The following DGAT2 variants were observed in gnomAD, a reference collection of about 807,000 sequenced individuals.
DGAT2 encodes the protein acyl-CoA retinol O-fatty-acyltransferase.
Under a neutral mutation model 48.4 loss-of-function variants are expected in DGAT2, and 33 were observed. That is an observed-to-expected ratio of 0.68 (90% CI 0.52 to 0.91). The LOEUF (loss-of-function observed/expected upper bound fraction) is 0.91, where lower values mean the gene tolerates loss of function less well. Among genes scored for constraint, DGAT2 ranks in the 40% least tolerant of loss-of-function variants. The pLI, the probability that DGAT2 is intolerant of heterozygous loss-of-function variation, is 0.00. For synonymous variants in DGAT2, 191 were observed against 194.1 expected (o/e 0.98, Z 0.13); for missense variants, 446 against 493.7 (o/e 0.90, Z 0.92).
chr11:75,771,778 C>T lies in DGAT2; in HGVS notation c.121+2666C>T, dbSNP rs535309491. 4.6e-5 allele frequency among the ~76,000 whole-genome samples: 7 copies of T among 152,218 alleles called. No homozygotes were observed. The East Asian group carries it at 7.7e-4, about 17-fold the overall frequency. Reference sequence around the variant, plus strand: ...CTGAATAGAGGCCACTTTGGGGCTGCGTCACCAAGGGCTCATCTAGGCTGA... The same window carrying T: ...CTGAATAGAGGCCACTTTGGGGCTGTGTCACCAAGGGCTCATCTAGGCTGA... On this transcript the variant is annotated intron_variant, in intron 1 of 7. Coordinates refer to ENST00000228027, the MANE Select transcript of DGAT2 (RefSeq NM_032564.5).
At chr11:75,787,664 C>T (rs1176893594) in intron 2 of DGAT2, among the ~76,000 whole-genome samples, 3 of 152,144 alleles carry the variant, frequency 2.0e-5, no homozygotes, top group African/African-American at 7.2e-5. Context: ...GTTCAGAGGA[C>T]AAGGATTAGG....
At chr11:75,796,053 A>G (rs2135779628) in intron 4 of DGAT2, 1 of 432,456 alleles carries the variant, frequency 2.3e-6, no homozygotes, top group Non-Finnish European at 4.3e-6. Context: ...CAGAGTGCAA[A>G]GAAGAGCTGC....
chr11:75,797,332 G>T lies in DGAT2; in HGVS notation c.809G>T (p.Gly270Val). ...TTTGTGAAACTGGCCCTGCGTCATG[G>T]GTGAGTGCCTCCCTACACACACACA... ...KGFVKLALRH[G>V]ADLVPIYSFG... is the part of the protein sequence containing the mutation. Residue 270 changes from glycine (G) to valine (V), a missense_variant and splice_region_variant, in exon 6 of 8, where the codon GGA becomes GTA. Coordinates refer to ENST00000228027, the MANE Select transcript of DGAT2 (RefSeq NM_032564.5). The T allele has an allele frequency of 6.7e-7, 1 of 1,484,474 alleles. No homozygotes were observed. The allele number at this position is 1,484,474 out of a possible 1,614,324, so 92.0% of individuals were successfully genotyped here. A position where few individuals can be genotyped will look rare whatever the true frequency, so the allele number is the denominator to read the frequency against.
Position 75,797,439 on chromosome 11 carries a change from AG to A in DGAT2, c.809+110del, listed in dbSNP as rs1945069622. On this transcript the variant is annotated intron_variant, in intron 6 of 7. Transcript: ENST00000228027. Reference sequence around the variant, plus strand: ...GACCCAGACCCCAGGAAGGCATGGAAGGGAGTCAGTCATTCTGTTAGGGAGG... The same window carrying A: ...GACCCAGACCCCAGGAAGGCATGGAAGGAGTCAGTCATTCTGTTAGGGAGG... 32 of 1,249,494 alleles carry A rather than the reference AG, an allele frequency of 2.6e-5. No homozygotes were observed. The South Asian group carries it at 6.9e-4, about 27-fold the overall frequency. 77.4% of individuals were successfully genotyped at this position (1,249,494 alleles called of 1,614,324 possible). A position where few individuals can be genotyped will look rare whatever the true frequency, so the allele number is the denominator to read the frequency against.
intron 2 of DGAT2, among the ~76,000 whole-genome samples, chr11:75,788,745 T>C (rs1320345493): frequency 1.3e-5 from 2 of 152,166 alleles, no homozygotes. Flanking sequence ...CCTCCCTTCT[T>C]GGGCAGTGGA....
intron 4 of DGAT2, chr11:75,793,973 C>T (rs1444413473): frequency 6.6e-6 from 1 of 152,252 alleles, no homozygotes; most frequent in Non-Finnish European, 1.5e-5. Flanking sequence ...CCGAGCCCCA[C>T]TAGCTATGGA....
chr11:75,790,344 TC>T, intron 3 of DGAT2, 49 bp downstream of exon 3: 14 of 1,469,006 alleles, frequency 9.5e-6, no homozygotes, highest in Non-Finnish European at 1.2e-5. Context: ...GGGATGCTCT[TC>T]CCCCTGCACA....
rs773641826 is a variant in DGAT2, at chr11:75,784,639, C to T, written c.143C>T (p.Ser48Phe). The stretch of plus-strand genomic sequence containing the variant: ...GTAGGCACTGGATCCAGCATCCTCT[C>T]CGCCCTCCAGGACCTCTTCTCTGTC... ...GRWGTGSSIL[S>F]ALQDLFSVTW... The change falls in exon 2 of 8, where the codon TCC (serine) becomes TTC (phenylalanine). Residue 48 changes from serine to phenylalanine, a missense_variant. Coordinates refer to ENST00000228027, the MANE Select transcript of DGAT2 (RefSeq NM_032564.5). 6 of 1,613,982 alleles carry T rather than the reference C, an allele frequency of 3.7e-6. No homozygotes were observed. The African/African-American group carries it at 8.0e-5, about 22-fold the overall frequency.
intron 4 of DGAT2, among the ~76,000 whole-genome samples, chr11:75,791,091 A>G (rs1020585325): frequency 6.6e-6 from 1 of 152,250 alleles, no homozygotes; most frequent in Admixed American, 6.5e-5. Flanking sequence ...TTTTCCCCAC[A>G]GGGGAAAGAC....
At position 75,790,414 on chromosome 11, in the gene DGAT2, T is replaced by C. The variant is rs191207734; in HGVS notation, c.358+119T>C. 5.2e-5 allele frequency: 48 copies of C among 931,212 alleles called. No homozygotes were observed. In the East Asian group the frequency reaches 1.2e-3, roughly 22 times the overall value. 57.7% of individuals were successfully genotyped at this position (931,212 alleles called of 1,614,324 possible). ...TTAACACCCACTTTGTGAAAAGCAC[T>C]GGACTAGTCCTTTTGGGGGGAGGTT... On this transcript the variant is annotated intron_variant, in intron 3 of 7. Coordinates refer to ENST00000228027, the MANE Select transcript of DGAT2 (RefSeq NM_032564.5).
intron 1 of DGAT2, 136 bp downstream of exon 1, chr11:75,769,248 C>A: frequency 9.0e-7 from 1 of 1,115,916 alleles, no homozygotes. Context: ...ACCTCTGTTA[C>A]ATCGCTTTCC....
intron 2 of DGAT2, among the ~76,000 whole-genome samples, chr11:75,788,910 G>A (rs560765088): frequency 3.1e-4 from 47 of 152,326 alleles, no homozygotes; most frequent in African/African-American, 1.1e-3. Flanking sequence ...ATGATATTGG[G>A]GAACACTTCT....
chr11:75,798,146 C>T, intron 6 of DGAT2, 81 bp from the exon 7 acceptor site: 11 of 1,446,768 alleles, frequency 7.6e-6, no homozygotes, highest in Non-Finnish European at 1.1e-5. Context: ...GGATGCTTGG[C>T]CAGTGTCCAG....
At chr11:75,784,401 G>A in intron 1 of DGAT2, 1 of 501,452 alleles carries the variant, frequency 2.0e-6, no homozygotes, top group African/African-American at 1.9e-5. Flanking sequence ...TTCCCATTGT[G>A]TATCTATAGA....
intron 6 of DGAT2, among the ~76,000 whole-genome samples, chr11:75,797,899 C>T (rs1169734957): frequency 6.6e-6 from 1 of 152,176 alleles, no homozygotes; most frequent in Non-Finnish European, 1.5e-5. Flanking sequence ...TGAGAGAGGC[C>T]TGGTTTGGTG....
At chr11:75,769,375 C>G (rs116816453) in intron 1 of DGAT2, among the ~76,000 whole-genome samples, 1,962 of 152,296 alleles carry the variant, frequency 0.013, 46 homozygotes, top group African/African-American at 0.045. Context: ...CTGGTGACCC[C>G]TGGCACTTCC....
At chr11:75,770,361 C>T (rs1231784938) in intron 1 of DGAT2, among the ~76,000 whole-genome samples, 2 of 151,984 alleles carry the variant, frequency 1.3e-5, no homozygotes, top group Admixed American at 1.3e-4. Context: ...GGGTGCTGCT[C>T]GTAGCCCTTG....
intron 1 of DGAT2, among the ~76,000 whole-genome samples, chr11:75,769,980 G>A (rs1422062927): frequency 3.3e-5 from 5 of 151,952 alleles, no homozygotes; most frequent in African/African-American, 1.2e-4. Context: ...CGCCTACACC[G>A]CCCACCTTTG....
At position 75,778,767 on chromosome 11, in the gene DGAT2, G is replaced by A. The variant is rs375724027; in HGVS notation, c.122-5851G>A. On this transcript the variant is annotated intron_variant, in intron 1 of 7. Transcript: ENST00000228027. Reference sequence around the variant, plus strand: ...GAGAATGGAGTGAACCCTGGAGGCGGAGGTTGCAGCGAGTCGAGATCGCAC... The same window carrying A: ...GAGAATGGAGTGAACCCTGGAGGCGAAGGTTGCAGCGAGTCGAGATCGCAC... 9.5e-4 allele frequency among the ~76,000 whole-genome samples: 143 copies of A among 150,566 alleles called. 4 individuals are homozygous for A. The East Asian group carries it at 0.024, about 25-fold the overall frequency.
Sources: gnomAD v4.1 joint callset for allele counts (sites outside exome capture counted in the v4.1 genomes callset) on GRCh38, gnomAD v4.1.1 for gene constraint, MANE v1.5 for transcripts, NCBI Gene and HGNC (gene_info 2026-07-23, HGNC 2026-07-21) for gene names.